Variants in ADAM28 observed in about 807,000 individuals in gnomAD.
ADAM28 encodes the protein ADAM metallopeptidase domain 28, also known as disintegrin and metalloproteinase domain-containing protein 28.
In ADAM28, 105 loss-of-function variants were observed where a neutral mutation model predicts 101.2. The ratio of observed to expected loss-of-function variants is 1.04; its 90% CI spans 0.89 to 1.22. The LOEUF (loss-of-function observed/expected upper bound fraction) is 1.22. Ranked by LOEUF, ADAM28 falls within the 50% of genes most tolerant of loss-of-function variation. The pLI is 0.00. For synonymous variants in ADAM28, 322 were observed against 310.6 expected, an observed-to-expected ratio of 1.04 and a Z score of -0.39; for missense variants, 1,028 against 945.4, an observed-to-expected ratio of 1.09 and a Z score of -1.15.
rs999891230 is a variant in ADAM28, at chr8:24,356,450, T to G, written c.*2046T>G. ...AGTGGCATGTGAACATGCCTGCAAG[T>G]TCCTAAATGATGTCACTAGGTCCCT... On this transcript the variant is annotated 3_prime_UTR_variant, in exon 23 of 23. Transcript: ENST00000265769. The G allele has an allele frequency of 6.6e-6, 1 of 152,164 alleles. No homozygotes were observed. The highest frequency in any genetic ancestry group is 2.4e-5 in the African/African-American group (1 of 41,442). 9.4% of individuals were successfully genotyped at this position (152,164 alleles called of 1,614,324 possible).
chr8:24,343,128 A>G lies in ADAM28; in HGVS notation c.1858A>G (p.Ile620Val), dbSNP rs756135220. ...KVCINAECVDIEKAYKSTNCS... is the reference protein window; with the variant it reads ...KVCINAECVDVEKAYKSTNCS... Reference sequence around the variant, plus strand: ...TTGCATTAATGCAGAATGTGTGGATATTGAGAAAGCCTACAAATCAACCAA... The same window carrying G: ...TTGCATTAATGCAGAATGTGTGGATGTTGAGAAAGCCTACAAATCAACCAA... Residue 620 changes from isoleucine (I) to valine (V), a missense_variant, in exon 17 of 23, where the codon ATT (isoleucine) becomes GTT (valine). Ile to Val is a conservative substitution (Grantham distance 29). Transcript: ENST00000265769. 2.5e-6 allele frequency: 4 copies of G among 1,613,666 alleles called. No homozygotes were observed. The highest frequency in any genetic ancestry group is 3.4e-6 in the Non-Finnish European group (4 of 1,179,806).
chr8:24,355,799 G>GTTGT lies in ADAM28; in HGVS notation c.*1398_*1401dup, dbSNP rs1250417501. On this transcript the variant is annotated 3_prime_UTR_variant, in exon 23 of 23. Coordinates refer to ENST00000265769, the MANE Select transcript of ADAM28 (RefSeq NM_014265.6). ...ATTATATGAGCCATACATTTTCCTTGTTGTTTAAGCCATTTTGAATTGGAT... is the reference window on the plus strand; with the variant it reads ...ATTATATGAGCCATACATTTTCCTTGTTGTTTGTTTAAGCCATTTTGAATTGGAT... The GTTGT allele has an allele frequency of 4.6e-5, 7 of 152,204 alleles. No homozygotes were observed. In the East Asian group the frequency reaches 1.4e-3, roughly 29 times the overall value. The allele number at this position is 152,204 out of a possible 1,614,324, so 9.4% of individuals were successfully genotyped here.
intron 21 of ADAM28, 70 bp downstream of exon 21, chr8:24,352,122 C>T: frequency 7.8e-7 from 1 of 1,287,730 alleles, no homozygotes; most frequent in East Asian, 2.3e-5. Context: ...AAGTCATAGC[C>T]CACAACACTT....
intron 2 of ADAM28, among the ~76,000 whole-genome samples, chr8:24,308,427 C>A (rs1169905147): frequency 2.0e-5 from 3 of 152,128 alleles, no homozygotes; most frequent in African/African-American, 7.2e-5. Flanking sequence ...TTATTCTTTT[C>A]TAAAACAACC....
intron 8 of ADAM28, among the ~76,000 whole-genome samples, chr8:24,321,787 T>G (rs1811915543): frequency 6.6e-6 from 1 of 151,996 alleles, no homozygotes; most frequent in Non-Finnish European, 1.5e-5. Context: ...AGAATAGCCA[T>G]GGGGTTTGAA....
intron 18 of ADAM28, among the ~76,000 whole-genome samples, chr8:24,345,833 T>G (rs189275103): frequency 1.3e-5 from 2 of 152,254 alleles, no homozygotes; most frequent in Admixed American, 1.3e-4. Context: ...TACATGAAAT[T>G]TGTATTTTAG....
chr8:24,320,373 G>T, intron 7 of ADAM28, 66 bp downstream of exon 7: 2 of 1,058,472 alleles, frequency 1.9e-6, no homozygotes, highest in South Asian at 1.4e-5. Flanking sequence ...TTTATTATGT[G>T]AGACATTAAA....
At chr8:24,331,064 T>C (rs1467521021) in intron 11 of ADAM28, 86 bp from the exon 12 acceptor site, 16 of 1,323,626 alleles carry the variant, frequency 1.2e-5, no homozygotes, top group Middle Eastern at 2.2e-4. Flanking sequence ...GGGCAGGCCG[T>C]GGGTGTAATT....
chr8:24,332,621 A>AGTAAT, intron 12 of ADAM28, 39 bp from the exon 13 acceptor site: 1 of 1,258,442 alleles, frequency 7.9e-7, no homozygotes, highest in Non-Finnish European at 1.1e-6. Context: ...GGGACCAAAA[A>AGTAAT]GTAATGTTGC....
chr8:24,313,648 C>A (rs902087566), intron 6 of ADAM28, 68 bp downstream of exon 6: 50 of 1,487,438 alleles, frequency 3.4e-5, no homozygotes, highest in Non-Finnish European at 4.5e-5. Flanking sequence ...ATTAGCAGTG[C>A]AATTTACTGA....
At chr8:24,314,712 T>G (rs896142731) in intron 6 of ADAM28, among the ~76,000 whole-genome samples, 4 of 151,876 alleles carry the variant, frequency 2.6e-5, no homozygotes, top group African/African-American at 9.7e-5. Flanking sequence ...GTATGACACT[T>G]AAAAATCAAA....
At chr8:24,352,165 G>A (rs1816235649) in intron 21 of ADAM28, 113 bp downstream of exon 21, 2 of 899,194 alleles carry the variant, frequency 2.2e-6, no homozygotes, top group East Asian at 2.6e-5. Flanking sequence ...TGAAATCTAT[G>A]TGAATATTAA....
intron 13 of ADAM28, 145 bp from the exon 14 acceptor site, chr8:24,335,301 T>C: frequency 7.4e-7 from 1 of 1,357,232 alleles, no homozygotes; most frequent in Non-Finnish European, 9.7e-7. Flanking sequence ...ATGGCTTTAA[T>C]TTATGACAAT....
rs1813318697 is a variant in ADAM28, at chr8:24,331,244, T to C, written c.1198T>C (p.Leu400=). The C allele has an allele frequency of 6.2e-7, 1 of 1,613,322 alleles. No individual in the cohort carries two copies. The highest frequency in any genetic ancestry group is 1.1e-5 in the South Asian group (1 of 90,926). Residue 400 remains leucine, a synonymous_variant, in exon 12 of 23, where the codon TTG becomes CTG. Coordinates refer to ENST00000265769, the MANE Select transcript of ADAM28 (RefSeq NM_014265.6). ...ATCAAATTGCCTCTTTAATGCTCCA[T>C]TGCCTACAGATATCATATCCACTCC... ...KLSNCLFNAP[L]PTDIISTPIC...
chr8:24,335,594 G>A lies in ADAM28; in HGVS notation c.1520G>A (p.Gly507Glu), dbSNP rs1813922804. 4 of 1,613,474 alleles carry A rather than the reference G, an allele frequency of 2.5e-6. No homozygotes were observed. Among genetic ancestry groups the A allele is most frequent in the East Asian group, 2.2e-5 (1 of 44,828 alleles). Residue 507 changes from glycine to glutamate, a missense_variant, in exon 14 of 23, where the codon GGG (glycine) becomes GAG (glutamate). By Grantham distance (98) the Gly-to-Glu change is moderately conservative. Transcript: ENST00000265769. ...CHHGKGHCLM[G>E]TCPTLQEQCT... is the part of the protein sequence containing the mutation. ...CACGGGAAGGGCCACTGCTTGATGG[G>A]GACATGCCCCACACTGCAGGAGCAG...
chr8:24,337,823 C>T (rs1335994256), intron 14 of ADAM28, among the ~76,000 whole-genome samples: 1 of 152,120 alleles, frequency 6.6e-6, no homozygotes, highest in African/African-American at 2.4e-5. Context: ...AATTCTAATT[C>T]CAAGTATTGA....
intron 9 of ADAM28, 139 bp from the exon 10 acceptor site, chr8:24,326,415 T>C: frequency 2.8e-6 from 2 of 726,676 alleles, no homozygotes; most frequent in Non-Finnish European, 4.3e-6. Context: ...CTTATGCAAA[T>C]TCAAAAACTA....
chr8:24,351,759 A>ATCATTTATAACACTGGTAATCATT (rs1563332197), intron 20 of ADAM28, among the ~76,000 whole-genome samples: 4 of 150,850 alleles, frequency 2.7e-5, no homozygotes, highest in African/African-American at 9.7e-5. Context: ...AACATTGGTA[A>ATCATTTATAACACTGGTAATCATT]TCATTTATAA....
chr8:24,307,202 C>T (rs1244961079), intron 2 of ADAM28, among the ~76,000 whole-genome samples: 2 of 152,160 alleles, frequency 1.3e-5, no homozygotes, highest in African/African-American at 2.4e-5. Context: ...CCCTTCTGAT[C>T]AAGGGGATCT....
Sources: allele counts gnomAD v4.1 joint callset (sites outside exome capture counted in the v4.1 genomes callset), GRCh38; gene constraint gnomAD v4.1.1; transcripts MANE v1.5; gene names NCBI Gene and HGNC (gene_info 2026-07-23, HGNC 2026-07-21).